IPO5: variants seen among roughly 807,000 people sequenced by gnomAD.
IPO5 encodes the protein importin-5.
IPO5 carries 18 observed loss-of-function variants against 143.3 expected under a neutral mutation model. The observed-to-expected ratio is 0.13, with a 90% CI of 0.09 to 0.19. The LOEUF (loss-of-function observed/expected upper bound fraction) is 0.19, where lower values mean the gene tolerates loss of function less well. IPO5 is among the 10% of genes least tolerant of loss of function. The pLI is 1.00. For synonymous variants in IPO5, 477 were observed against 465.7 expected (o/e 1.02, Z -0.31); for missense variants, 1,013 against 1,336.9 (o/e 0.76, Z 3.78).
At position 98,021,028 on chromosome 13, in the gene IPO5, T is replaced by C. The variant is rs1185658094; in HGVS notation, c.3102T>C (p.Asn1034=). ...HPIVLGPNNT[N]LPKIFSIIAE... is the part of the protein sequence containing the mutation. ...TTGTTCTTGGCCCAAACAATACCAATCTGCCCAAAATATTTAGTATAATTG... is the reference window on the plus strand; with the variant it reads ...TTGTTCTTGGCCCAAACAATACCAACCTGCCCAAAATATTTAGTATAATTG... The change falls in exon 28 of 29, where the codon AAT becomes AAC. Residue 1034 remains asparagine (N), a synonymous_variant. Coordinates refer to ENST00000651721, the MANE Select transcript of IPO5 (RefSeq NM_002271.6). 3 of 1,610,334 alleles carry C rather than the reference T, an allele frequency of 1.9e-6. No individual in the cohort carries two copies. The highest frequency in any genetic ancestry group is 2.5e-6 in the Non-Finnish European group (3 of 1,178,636).
chr13:97,996,625 CAG>C (rs1422054567), intron 11 of IPO5, among the ~76,000 whole-genome samples: 3 of 152,036 alleles, frequency 2.0e-5, no homozygotes, highest in East Asian at 3.9e-4. Flanking sequence ...TTTTTTTAGA[CAG>C]AGTCTCGCTC....
At chr13:97,975,362 A>G (rs796850955) in intron 3 of IPO5, among the ~76,000 whole-genome samples, 23 of 152,246 alleles carry the variant, frequency 1.5e-4, no homozygotes, top group African/African-American at 5.1e-4. Flanking sequence ...ATGGTGGAAC[A>G]TGCCTGTAAT....
intron 28 of IPO5, chr13:98,021,446 C>CA (rs1454086757): frequency 2.9e-6 from 1 of 350,270 alleles, no homozygotes; most frequent in Non-Finnish European, 5.0e-6. Flanking sequence ...TGTCATCTGC[C>CA]AAAAAACTTT....
At chr13:97,976,669 T>G in intron 3 of IPO5, 24 bp from the exon 4 acceptor site, 1 of 1,174,352 alleles carries the variant, frequency 8.5e-7, no homozygotes, top group Non-Finnish European at 1.1e-6. Flanking sequence ...CTGTCTCCCC[T>G]CCCTCCTTCT....
At chr13:98,007,170 GTTTCTT>G (rs1305620910) in intron 17 of IPO5, among the ~76,000 whole-genome samples, 1 of 152,032 alleles carries the variant, frequency 6.6e-6, no homozygotes, top group African/African-American at 2.4e-5. Flanking sequence ...TAATATTAAG[GTTTCTT>G]TTTAGCTCAG....
At chr13:97,976,134 C>A in intron 3 of IPO5, 1 of 192,252 alleles carries the variant, frequency 5.2e-6, no homozygotes, top group Non-Finnish European at 9.5e-6. Context: ...AGAAGGAGGC[C>A]GACCAGCCCG....
At chr13:97,963,858 G>T (rs1885091990) in intron 2 of IPO5, among the ~76,000 whole-genome samples, 1 of 152,124 alleles carries the variant, frequency 6.6e-6, no homozygotes. Flanking sequence ...GCCAGCATCT[G>T]TTGTTTCCTG....
intron 27 of IPO5, 75 bp from the exon 28 acceptor site, chr13:98,020,917 A>G (rs1890443890): frequency 8.3e-7 from 1 of 1,200,362 alleles, no homozygotes; most frequent in Non-Finnish European, 1.2e-6. Context: ...TTAAAAGGCC[A>G]TTGATTTTAG....
intron 2 of IPO5, among the ~76,000 whole-genome samples, chr13:97,965,275 T>C (rs1885233872): frequency 6.6e-6 from 1 of 152,036 alleles, no homozygotes; most frequent in Non-Finnish European, 1.5e-5. Flanking sequence ...GGTTGGTAGG[T>C]GCAGCAAACC....
At chr13:97,965,677 A>G (rs1360860876) in intron 2 of IPO5, among the ~76,000 whole-genome samples, 1 of 152,012 alleles carries the variant, frequency 6.6e-6, no homozygotes, top group Non-Finnish European at 1.5e-5. Context: ...TTGCTAGTGT[A>G]TGGAATTACA....
intron 25 of IPO5, among the ~76,000 whole-genome samples, chr13:98,017,803 G>A (rs1890227130): frequency 6.6e-6 from 1 of 151,712 alleles, no homozygotes; most frequent in Non-Finnish European, 1.5e-5. Flanking sequence ...TTTTTTGTTT[G>A]TTTTGTTTTT....
chr13:98,011,579 T>C (rs1306643046), intron 20 of IPO5, among the ~76,000 whole-genome samples: 1 of 151,062 alleles, frequency 6.6e-6, no homozygotes, highest in Non-Finnish European at 1.5e-5. Flanking sequence ...CCATCCCGGC[T>C]CACTGCCACC....
Position 97,982,586 on chromosome 13 carries a change from AC to A in IPO5, c.171+4del, listed in dbSNP as rs1886944795. 6.4e-7 allele frequency: 1 copy of A among 1,555,328 alleles called. No individual in the cohort carries two copies. The highest frequency in any genetic ancestry group is 2.2e-5 in the East Asian group (1 of 44,470). On this transcript the variant is annotated splice_donor_region_variant and intron_variant, in intron 5 of 28. Coordinates refer to ENST00000651721, the MANE Select transcript of IPO5 (RefSeq NM_002271.6). ...GAAATACAACAGCTGCTGAAGAGGT[AC>A]TACCTTAATATTTGTGACTATTACA...
chr13:98,006,405 C>T (rs571934753), intron 17 of IPO5, 57 bp downstream of exon 17: 130 of 1,014,076 alleles, frequency 1.3e-4, no homozygotes, highest in Non-Finnish European at 1.4e-4. Flanking sequence ...GACAGAGTCT[C>T]GCTCTGTCAC....
Position 98,010,238 on chromosome 13 carries a change from GT to G in IPO5, c.2055+19del. On this transcript the variant is annotated intron_variant, in intron 20 of 28. Coordinates refer to ENST00000651721, the MANE Select transcript of IPO5 (RefSeq NM_002271.6). ...TGCCAGATGTTGGTAAGAGAGCACT[GT>G]TTTTACTAAACTTTTATTTTACATC... The G allele has an allele frequency of 6.2e-7, 1 of 1,607,334 alleles. No individual in the cohort carries two copies. Among genetic ancestry groups the G allele is most frequent in the Non-Finnish European group, 8.5e-7 (1 of 1,178,016 alleles).
At chr13:98,017,193 A>T (rs139941183) in intron 25 of IPO5, among the ~76,000 whole-genome samples, 3 of 151,888 alleles carry the variant, frequency 2.0e-5, no homozygotes, top group Non-Finnish European at 4.4e-5. Flanking sequence ...AGATAATTCA[A>T]TTATCTTTGT....
chr13:98,016,108 A>G (rs1391986503), intron 24 of IPO5, among the ~76,000 whole-genome samples: 1 of 152,208 alleles, frequency 6.6e-6, no homozygotes, highest in East Asian at 1.9e-4. Context: ...CTAAAATTCC[A>G]GTGTTAAATG....
At chr13:97,985,379 G>A (rs1320557450) in intron 5 of IPO5, 42 bp from the exon 6 acceptor site, 1 of 1,470,484 alleles carries the variant, frequency 6.8e-7, no homozygotes, top group Non-Finnish European at 9.5e-7. Flanking sequence ...ATACATCAAT[G>A]GCAGAGTGAA....
At chr13:97,992,863 G>A in intron 9 of IPO5, 29 bp from the exon 10 acceptor site, 1 of 1,589,816 alleles carries the variant, frequency 6.3e-7, no homozygotes, top group Non-Finnish European at 8.6e-7. Context: ...TGAATCTTCA[G>A]CACCGACTTT....
Sources: allele counts gnomAD v4.1 joint callset (sites outside exome capture counted in the v4.1 genomes callset), GRCh38; gene constraint gnomAD v4.1.1; transcripts MANE v1.5; gene names NCBI Gene and HGNC (gene_info 2026-07-23, HGNC 2026-07-21).